SULT1E1: variants seen among roughly 807,000 people sequenced by gnomAD.
The protein encoded by SULT1E1 is sulfotransferase family 1E member 1.
In SULT1E1, 36 loss-of-function variants were observed where a neutral mutation model predicts 33.6. The ratio of observed to expected loss-of-function variants is 1.07; its 90% CI spans 0.82 to 1.41. SULT1E1 has a LOEUF of 1.41. Among genes scored for constraint, SULT1E1 ranks in the 40% most tolerant of loss-of-function variants. The pLI, the probability that SULT1E1 is intolerant of heterozygous loss-of-function variation, is 0.00. For synonymous variants in SULT1E1, 121 were observed against 111.7 expected, an observed-to-expected ratio of 1.08 and a Z score of -0.53; for missense variants, 371 against 345.7, an observed-to-expected ratio of 1.07 and a Z score of -0.58.
At chr4:69,856,650 G>C (rs915868493) in intron 2 of SULT1E1, among the ~76,000 whole-genome samples, 7 of 152,010 alleles carry the variant, frequency 4.6e-5, no homozygotes, top group African/African-American at 1.7e-4. Flanking sequence ...GATAACTAAG[G>C]GCGGCCGGGC....
rs780948555 is a variant in SULT1E1, at chr4:69,847,769, G to A, written c.520C>T (p.His174Tyr). The A allele has an allele frequency of 1.2e-5, 20 of 1,608,592 alleles. No individual in the cohort carries two copies. Among genetic ancestry groups the A allele is most frequent in the Admixed American group, 1.7e-5 (1 of 59,688 alleles). The stretch of plus-strand genomic sequence containing the variant: ...CCCTTTTCCCACCAAGATTTTACAT[G>A]TTTATACCAGGAACCATAAGGAACT... ...GQVPYGSWYK[H>Y]VKSWWEKGKS... Residue 174 changes from histidine (H) to tyrosine (Y), a missense_variant, in exon 6 of 8, where the codon CAT (histidine) becomes TAT (tyrosine). His to Tyr is a moderately conservative substitution (Grantham distance 83, BLOSUM62 2). Coordinates refer to ENST00000226444, the MANE Select transcript of SULT1E1 (RefSeq NM_005420.3).
the SULT1E1 span, among the ~76,000 whole-genome samples, chr4:69,834,121 G>A: frequency 6.6e-6 from 1 of 152,032 alleles, no homozygotes; most frequent in African/African-American, 2.4e-5. Context: ...TAATTATCCA[G>A]ATCCTACTCC....
At chr4:69,835,775 G>C in the SULT1E1 span, among the ~76,000 whole-genome samples, 6 of 152,144 alleles carry the variant, frequency 3.9e-5, no homozygotes, top group Admixed American at 1.3e-4. Context: ...TTATTGAGTA[G>C]AGGATTATTT....
rs1215845180 is a variant in SULT1E1 at position 69,849,514 on chromosome 4, T to A, written c.419A>T (p.Tyr140Phe). ...NAKDVAVSFY[Y>F]FFLMVAGHPN... is the part of the protein sequence containing the mutation. ...ATGACCAGCCACCATTAGAAAGAAA[T>A]AATAAAAGGAAACAGCCACATCCTT... The change falls in exon 5 of 8, where the codon TAT becomes TTT. Residue 140 changes from tyrosine (Y) to phenylalanine (F), a missense_variant. Tyr to Phe is a conservative substitution (Grantham distance 22). Transcript: ENST00000226444. The A allele has an allele frequency of 2.5e-6, 4 of 1,610,936 alleles. No homozygotes were observed. Among genetic ancestry groups the A allele is most frequent in the African/African-American group, 1.3e-5 (1 of 74,746 alleles).
downstream of SULT1E1, among the ~76,000 whole-genome samples, chr4:69,836,236 G>C (rs1240021494): frequency 6.6e-6 from 1 of 151,986 alleles, no homozygotes; most frequent in Non-Finnish European, 1.5e-5. Context: ...CCTCCATTCA[G>C]TCCCATGTAA....
At chr4:69,830,977 G>T in the SULT1E1 span, among the ~76,000 whole-genome samples, 5 of 152,310 alleles carry the variant, frequency 3.3e-5, no homozygotes, top group East Asian at 7.7e-4. Flanking sequence ...AGAGCAATTT[G>T]CATGACTTGG....
At chr4:69,845,769 G>A (rs1720964910) in intron 6 of SULT1E1, among the ~76,000 whole-genome samples, 1 of 151,154 alleles carries the variant, frequency 6.6e-6, no homozygotes, top group Non-Finnish European at 1.5e-5. Context: ...GAAGAGAGTT[G>A]GAGTAACTAT....
intron 5 of SULT1E1, 136 bp downstream of exon 5, chr4:69,849,301 G>T (rs183980082): frequency 9.7e-7 from 1 of 1,026,686 alleles, no homozygotes; most frequent in Non-Finnish European, 1.4e-6. Flanking sequence ...AAACCTCCAG[G>T]CGCCTTTAGA....
the SULT1E1 span, among the ~76,000 whole-genome samples, chr4:69,833,039 G>T: frequency 6.6e-6 from 1 of 152,024 alleles, no homozygotes; most frequent in African/African-American, 2.4e-5. Context: ...GCCTAACACA[G>T]GCAGCTTGTT....
At chr4:69,843,464 C>A (rs1023549721) in intron 7 of SULT1E1, among the ~76,000 whole-genome samples, 6 of 152,086 alleles carry the variant, frequency 3.9e-5, no homozygotes, top group Non-Finnish European at 8.8e-5. Context: ...TGTTATTTTA[C>A]AAATTCCCTG....
At chr4:69,856,199 G>A (rs1721231613) in intron 2 of SULT1E1, among the ~76,000 whole-genome samples, 1 of 152,170 alleles carries the variant, frequency 6.6e-6, no homozygotes. Flanking sequence ...ATTGGAAATA[G>A]ACTATAAGAC....
chr4:69,835,355 C>T, the SULT1E1 span, among the ~76,000 whole-genome samples: 27 of 152,280 alleles, frequency 1.8e-4, no homozygotes, highest in Non-Finnish European at 3.1e-4. Flanking sequence ...TGGAACTGTG[C>T]GTGTCTTACT....
chr4:69,854,162 A>T (rs1721183237), intron 4 of SULT1E1, 55 bp downstream of exon 4: 1 of 1,270,284 alleles, frequency 7.9e-7, no homozygotes. Context: ...TGATGAGATC[A>T]CTCTATCATT....
At chr4:69,845,234 T>C (rs2110066509) in intron 6 of SULT1E1, among the ~76,000 whole-genome samples, 1 of 152,084 alleles carries the variant, frequency 6.6e-6, no homozygotes, top group Middle Eastern at 3.4e-3. Flanking sequence ...TAGTATATCA[T>C]GGTGACTACA....
chr4:69,830,451 C>T, the SULT1E1 span, among the ~76,000 whole-genome samples: 1 of 152,204 alleles, frequency 6.6e-6, no homozygotes, highest in Non-Finnish European at 1.5e-5. Flanking sequence ...CGAAATGCCT[C>T]ACAAAGTCTT....
rs776144959 is a variant in SULT1E1 at position 69,847,701 on chromosome 4, T to C, written c.588A>G (p.Lys196=). The change falls in exon 6 of 8, where the codon AAA becomes AAG. Residue 196 remains lysine, a synonymous_variant. Transcript: ENST00000226444. ...RVLFLFYEDL[K]EDIRKEVIKL... Reference sequence around the variant, plus strand: ...TTATGTGTTCCCAGTTCCTCACCTCTTTCAGGTCTTCGTAGAAAAGAAATA... The same window carrying C: ...TTATGTGTTCCCAGTTCCTCACCTCCTTCAGGTCTTCGTAGAAAAGAAATA... 2 of 1,599,848 alleles carry C rather than the reference T, an allele frequency of 1.3e-6. No homozygotes were observed. Among genetic ancestry groups the C allele is most frequent in the Non-Finnish European group, 1.7e-6 (2 of 1,171,758 alleles).
intron 7 of SULT1E1, among the ~76,000 whole-genome samples, chr4:69,842,330 C>A (rs1720899979): frequency 6.6e-6 from 1 of 151,998 alleles, no homozygotes; most frequent in Non-Finnish European, 1.5e-5. Context: ...CTGATTCTTT[C>A]TTCTTATGCC....
chr4:69,829,529 C>T, the SULT1E1 span, among the ~76,000 whole-genome samples: 1 of 152,190 alleles, frequency 6.6e-6, no homozygotes, highest in Non-Finnish European at 1.5e-5. Flanking sequence ...CATATAGCCT[C>T]CATTCCTCAG....
At chr4:69,854,378 A>C (rs1721192892) in intron 3 of SULT1E1, 64 bp from the exon 4 acceptor site, 1 of 981,438 alleles carries the variant, frequency 1.0e-6, no homozygotes, top group African/African-American at 1.6e-5. Context: ...GTGGATTTAT[A>C]TAGATATTTG....
Sources: gnomAD v4.1 joint callset for allele counts (sites outside exome capture counted in the v4.1 genomes callset) on GRCh38, gnomAD v4.1.1 for gene constraint, MANE v1.5 for transcripts, NCBI Gene and HGNC (gene_info 2026-07-23, HGNC 2026-07-21) for gene names.